Variants in RERE observed in about 807,000 individuals in gnomAD.
RERE encodes arginine-glutamic acid dipeptide repeats protein.
A neutral mutation model predicts 146.1 loss-of-function variants in RERE; 40 were observed. The observed-to-expected ratio is 0.27, with a 90% CI of 0.21 to 0.36. The LOEUF (loss-of-function observed/expected upper bound fraction) is 0.36. Ranked by LOEUF, RERE falls within the 10% of genes least tolerant of loss-of-function variation. The pLI is 1.00. For missense variants in RERE, 1,933 were observed against 2,138.7 expected, an observed-to-expected ratio of 0.90 and a Z score of 1.90; for synonymous variants, 1,003 against 866.0, an observed-to-expected ratio of 1.16 and a Z score of -2.78.
chr1:8,523,642 T>C (rs111786947), intron 7 of RERE, among the ~76,000 whole-genome samples: 1,482 of 104,332 alleles, frequency 0.014, 15 homozygotes, highest in South Asian at 0.023. Flanking sequence ...CAGGATAATA[T>C]AGAAGAAATA....
In RERE at chr1:8,502,568, C is replaced by T. The variant is rs1198765234; in HGVS notation, c.880-5039G>A. Among the ~76,000 whole-genome samples the T allele has an allele frequency of 7.5e-5, 11 of 147,076 alleles. No homozygotes were observed. The East Asian group carries it at 2.3e-3, about 31-fold the overall frequency. ...AGTGAGGAGCCCCTCTGCCCGGCCA[C>T]GACCCCTTCTGGGAGGTGTGCCCAG... On this transcript the variant is annotated intron_variant, in intron 8 of 22. Coordinates refer to ENST00000400908, the MANE Select transcript of RERE (RefSeq NM_001042681.2).
intron 2 of RERE, among the ~76,000 whole-genome samples, chr1:8,648,272 C>T (rs906824079): frequency 1.1e-4 from 17 of 152,154 alleles, no homozygotes; most frequent in African/African-American, 3.9e-4. Flanking sequence ...CACTCTGTAA[C>T]CCAGGCTGCA....
chr1:8,683,339 C>A (rs1639015912), intron 1 of RERE, among the ~76,000 whole-genome samples: 1 of 152,056 alleles, frequency 6.6e-6, no homozygotes, highest in South Asian at 2.1e-4. Flanking sequence ...CAATTCTCTG[C>A]TTGAGAATGG....
rs375513726 is a variant in RERE at position 8,360,745 on chromosome 1, G to A, written c.2762C>T (p.Ala921Val). 14 of 1,599,554 alleles carry A rather than the reference G, an allele frequency of 8.8e-6. No homozygotes were observed. The highest frequency in any genetic ancestry group is 6.7e-5 in the East Asian group (3 of 44,636). ...CTTGATGTGGGGCATGGCCAAGGGC[G>A]CTGGTGGCAGGGGCTGCTCCCGTGG... ...QPPREQPLPP[A>V]PLAMPHIKPP... The change falls in exon 18 of 23, where the codon GCG (alanine) becomes GTG (valine). Residue 921 changes from alanine to valine, a missense_variant. Physicochemically the swap from Ala to Val is moderately conservative, Grantham distance 64. Coordinates refer to ENST00000400908, the MANE Select transcript of RERE (RefSeq NM_001042681.2).
At chr1:8,399,645 C>CA (rs1643178421) in intron 12 of RERE, among the ~76,000 whole-genome samples, 2 of 152,116 alleles carry the variant, frequency 1.3e-5, no homozygotes, top group Middle Eastern at 6.8e-3. Flanking sequence ...GCTGGTTCCA[C>CA]AAAAAAATCC....
At chr1:8,408,230 G>A (rs887110387) in intron 12 of RERE, among the ~76,000 whole-genome samples, 1 of 152,116 alleles carries the variant, frequency 6.6e-6, no homozygotes, top group African/African-American at 2.4e-5. Flanking sequence ...GGTGGGGGAA[G>A]GGCTAGCAAA....
chr1:8,466,137 ACT>A (rs972497293), intron 10 of RERE, 114 bp from the exon 11 acceptor site: 5 of 809,106 alleles, frequency 6.2e-6, no homozygotes, highest in Non-Finnish European at 9.6e-6. Context: ...GGAAAGGGGC[ACT>A]GAGACTCCAT....
chr1:8,643,691 A>G (rs540404171), intron 2 of RERE, among the ~76,000 whole-genome samples: 1 of 152,326 alleles, frequency 6.6e-6, no homozygotes, highest in Admixed American at 6.5e-5. Flanking sequence ...ACAATGCAGT[A>G]ATCTGGGGGT....
At chr1:8,549,700 T>C (rs767615093) in intron 6 of RERE, among the ~76,000 whole-genome samples, 1 of 152,212 alleles carries the variant, frequency 6.6e-6, no homozygotes, top group Admixed American at 6.5e-5. Flanking sequence ...TGAAGAAACC[T>C]GGCAGAAGCC....
At chr1:8,636,776 A>G (rs1267530950) in intron 2 of RERE, among the ~76,000 whole-genome samples, 1 of 152,026 alleles carries the variant, frequency 6.6e-6, no homozygotes, top group Non-Finnish European at 1.5e-5. Flanking sequence ...TACTCTTCCT[A>G]GTAGTCTGAA....
chr1:8,491,031 A>G (rs1644973152), intron 10 of RERE, among the ~76,000 whole-genome samples: 1 of 150,800 alleles, frequency 6.6e-6, no homozygotes, highest in African/African-American at 2.5e-5. Flanking sequence ...TAATGAAGAA[A>G]AAACAGAATA....
chr1:8,567,166 T>G (rs759761964), intron 4 of RERE, among the ~76,000 whole-genome samples: 40 of 152,168 alleles, frequency 2.6e-4, no homozygotes, highest in Non-Finnish European at 4.7e-4. Context: ...TCCATCTGAC[T>G]AGGCTGCTTA....
intron 12 of RERE, among the ~76,000 whole-genome samples, chr1:8,416,532 GC>G (rs1399396073): frequency 6.8e-6 from 1 of 146,222 alleles, no homozygotes; most frequent in Non-Finnish European, 1.5e-5. Context: ...CTTGCAGTGA[GC>G]CGAGACTGCA....
chr1:8,381,232 TA>T (rs780641478), intron 12 of RERE: 8 of 346,376 alleles, frequency 2.3e-5, no homozygotes, highest in Non-Finnish European at 4.0e-5. Flanking sequence ...GTTATGTCTA[TA>T]ACATGATTCC....
At chr1:8,414,785 T>C (rs1195099820) in intron 12 of RERE, among the ~76,000 whole-genome samples, 3 of 152,070 alleles carry the variant, frequency 2.0e-5, no homozygotes, top group African/African-American at 4.8e-5. Context: ...CAAAGGAAGG[T>C]TGCTCCTGTT....
chr1:8,364,926 A>G lies in RERE; in HGVS notation c.1448-88T>C. On this transcript the variant is annotated intron_variant, in intron 13 of 22. Coordinates refer to ENST00000400908, the MANE Select transcript of RERE (RefSeq NM_001042681.2). This position sits in a 1 kb window ranked among gnomAD's most constrained non-coding sequence, Gnocchi z 5.1. The stretch of plus-strand genomic sequence containing the variant: ...CCGGTGGGGTGGGGGGGAGGGGGGA[A>G]CACCTGTGACCTCTGGCCTACTGCA... The G allele has an allele frequency of 6.8e-6, 4 of 586,948 alleles. No homozygotes were observed. Among genetic ancestry groups the G allele is most frequent in the African/African-American group, 5.2e-5 (1 of 19,230 alleles). The allele number at this position is 586,948 out of a possible 1,614,324, so 36.4% of individuals were successfully genotyped here. A position where few individuals can be genotyped will look rare whatever the true frequency, so the allele number is the denominator to read the frequency against.
At chr1:8,467,773 T>C (rs867469937) in intron 10 of RERE, among the ~76,000 whole-genome samples, 10 of 152,008 alleles carry the variant, frequency 6.6e-5, no homozygotes, top group Admixed American at 5.9e-4. Flanking sequence ...GCTTCCTGAG[T>C]AGCTGGGATT....
chr1:8,541,386 G>C, intron 6 of RERE, 68 bp from the exon 7 acceptor site: 1 of 910,366 alleles, frequency 1.1e-6, no homozygotes, highest in Admixed American at 1.9e-5. Flanking sequence ...ACTGGAGGGG[G>C]AAGGGTGGAG....
intron 11 of RERE, among the ~76,000 whole-genome samples, chr1:8,433,974 C>T (rs574208663): frequency 7.2e-5 from 11 of 152,224 alleles, no homozygotes; most frequent in Admixed American, 2.6e-4. Context: ...TCCTCTTTTT[C>T]CTAATCTTCC....
Sources: allele counts gnomAD v4.1 joint callset (sites outside exome capture counted in the v4.1 genomes callset), GRCh38; gene constraint gnomAD v4.1.1; non-coding constraint Gnocchi (gnomAD v3.1); transcripts MANE v1.5; gene names NCBI Gene and HGNC (gene_info 2026-07-23, HGNC 2026-07-21).